CRTAC1: variants seen among roughly 807,000 people sequenced by gnomAD.
The protein encoded by CRTAC1 is acidic secreted protein in cartilage.
In CRTAC1, 37 loss-of-function variants were observed where a neutral mutation model predicts 67.8. The observed-to-expected ratio is 0.55, with a 90% CI of 0.42 to 0.72. CRTAC1 has a LOEUF of 0.72. CRTAC1 is among the 30% of genes least tolerant of loss of function. CRTAC1 has a pLI of 0.00. For synonymous variants in CRTAC1, 348 were observed against 371.0 expected (o/e 0.94, Z 0.71); for missense variants, 780 against 931.6 (o/e 0.84, Z 2.12).
intron 2 of CRTAC1, among the ~76,000 whole-genome samples, chr10:98,007,307 G>A (rs1488175699): frequency 2.0e-5 from 3 of 152,148 alleles, no homozygotes; most frequent in Non-Finnish European, 2.9e-5. Flanking sequence ...GACCTCCCAA[G>A]GTCCTGATTT....
At chr10:97,880,584 T>C (rs2050199828) in intron 13 of CRTAC1, among the ~76,000 whole-genome samples, 192 bp from the exon 14 acceptor site, 1 of 152,172 alleles carries the variant, frequency 6.6e-6, no homozygotes, top group Non-Finnish European at 1.5e-5. Context: ...GGGTGGGCAC[T>C]CAGGCTTGGT....
chr10:97,898,264 C>A, intron 8 of CRTAC1, among the ~76,000 whole-genome samples: 1 of 152,268 alleles, frequency 6.6e-6, no homozygotes, highest in South Asian at 2.1e-4. Flanking sequence ...GCTCAGAGTC[C>A]GTGTTAACAG....
intron 4 of CRTAC1, among the ~76,000 whole-genome samples, chr10:97,920,052 C>T (rs1439828661): frequency 6.6e-6 from 1 of 152,134 alleles, no homozygotes; most frequent in Non-Finnish European, 1.5e-5. Flanking sequence ...CCTGGCCTAA[C>T]ATGGCTTCTT....
Position 98,004,830 on chromosome 10 carries a change from C to T in CRTAC1, c.224+6308G>A, listed in dbSNP as rs1457337515. Among the ~76,000 whole-genome samples the T allele has an allele frequency of 2.0e-5, 3 of 151,656 alleles. No individual in the cohort carries two copies. In the East Asian group the frequency reaches 5.8e-4, roughly 29 times the overall value. On this transcript the variant is annotated intron_variant, in intron 2 of 14. Transcript: ENST00000370597. ...TTATATATTTTATAATATATATACACAATAGAAATGTACATAACATAAACT... is the reference window on the plus strand; with the variant it reads ...TTATATATTTTATAATATATATACATAATAGAAATGTACATAACATAAACT...
chr10:97,926,856 A>C (rs966939841), intron 3 of CRTAC1, among the ~76,000 whole-genome samples: 22 of 152,320 alleles, frequency 1.4e-4, no homozygotes, highest in African/African-American at 5.1e-4. Context: ...TATTGCTTCC[A>C]GATGCCTGGG....
rs77502721 is a variant in CRTAC1 at position 97,954,254 on chromosome 10, C to T, written c.225-17888G>A. Among the ~76,000 whole-genome samples the T allele has an allele frequency of 4.7e-3, 718 of 152,214 alleles. 7 individuals carry two copies. The highest frequency in any genetic ancestry group is 0.016 in the African/African-American group (677 of 41,522). ...GAACAGCATCTAGGAGGCATGATTG[C>T]TTATCTTGAGAGGACCCCCCAGGAC... On this transcript the variant is annotated intron_variant, in intron 2 of 14. Coordinates refer to ENST00000370597, the MANE Select transcript of CRTAC1 (RefSeq NM_018058.7).
intron 2 of CRTAC1, among the ~76,000 whole-genome samples, chr10:98,008,052 T>C (rs1452233803): frequency 6.6e-6 from 1 of 152,160 alleles, no homozygotes; most frequent in African/African-American, 2.4e-5. Flanking sequence ...CCTCAGCGAC[T>C]GGGCCCATGG....
chr10:97,915,256 C>A (rs970280848), intron 5 of CRTAC1, among the ~76,000 whole-genome samples: 1 of 152,190 alleles, frequency 6.6e-6, no homozygotes, highest in Non-Finnish European at 1.5e-5. Context: ...GAAAGGTCAG[C>A]GGGCTGTGGC....
At chr10:97,897,051 C>A (rs554678099) in intron 8 of CRTAC1, 60 bp from the exon 9 acceptor site, 3 of 1,240,808 alleles carry the variant, frequency 2.4e-6, no homozygotes, top group African/African-American at 3.0e-5. Flanking sequence ...GACCAGAAGG[C>A]CCACCTGCTC....
At position 98,000,656 on chromosome 10, in the gene CRTAC1, A is replaced by G. The variant is rs1016319267; in HGVS notation, c.224+10482T>C. Among the ~76,000 whole-genome samples the G allele has an allele frequency of 2.0e-5, 3 of 152,220 alleles. No individual in the cohort carries two copies. The South Asian group carries it at 6.2e-4, about 32-fold the overall frequency. On this transcript the variant is annotated intron_variant, in intron 2 of 14. Transcript: ENST00000370597. ...TCAGGCCCAAGCAAAACTTGGGCAAAAGCGCCACCAGCCACAGGTGTCTGG... is the reference window on the plus strand; with the variant it reads ...TCAGGCCCAAGCAAAACTTGGGCAAGAGCGCCACCAGCCACAGGTGTCTGG...
intron 11 of CRTAC1, among the ~76,000 whole-genome samples, chr10:97,884,780 C>G (rs113899286): frequency 6.6e-6 from 1 of 152,168 alleles, no homozygotes; most frequent in Non-Finnish European, 1.5e-5. Flanking sequence ...GGAGGCTGTA[C>G]TGGAGGATAC....
At chr10:97,988,549 G>A (rs60642333) in intron 2 of CRTAC1, among the ~76,000 whole-genome samples, 6,712 of 152,100 alleles carry the variant, frequency 0.044, 491 homozygotes, top group African/African-American at 0.15. Flanking sequence ...TGGTGACTCC[G>A]TCTCTACTAA....
At chr10:98,007,745 A>G (rs1280118097) in intron 2 of CRTAC1, among the ~76,000 whole-genome samples, 2 of 152,220 alleles carry the variant, frequency 1.3e-5, no homozygotes, top group African/African-American at 2.4e-5. Flanking sequence ...GATGACTCCA[A>G]AGTCCTATAG....
intron 2 of CRTAC1, among the ~76,000 whole-genome samples, chr10:97,992,431 T>A (rs936955122): frequency 3.3e-5 from 5 of 152,152 alleles, no homozygotes; most frequent in African/African-American, 1.2e-4. Flanking sequence ...GATCAAGCAA[T>A]CCCACTACTG....
intron 3 of CRTAC1, among the ~76,000 whole-genome samples, chr10:97,927,524 T>C (rs760404289): frequency 1.3e-5 from 2 of 152,232 alleles, no homozygotes; most frequent in African/African-American, 2.4e-5. Flanking sequence ...GCTGCTGATG[T>C]CTGGTCAGGC....
At chr10:97,904,582 G>T in intron 7 of CRTAC1, 87 bp downstream of exon 7, 1 of 1,358,218 alleles carries the variant, frequency 7.4e-7, no homozygotes, top group Middle Eastern at 2.1e-4. Context: ...ACCACACCTG[G>T]CCAATTTTTG....
At chr10:97,874,475 C>T (rs1037861414) in intron 14 of CRTAC1, among the ~76,000 whole-genome samples, 2 of 152,178 alleles carry the variant, frequency 1.3e-5, no homozygotes, top group African/African-American at 4.8e-5. Flanking sequence ...ACCTTATGGC[C>T]ATTTGCCATC....
At chr10:98,019,308 T>A (rs1308755817) in intron 1 of CRTAC1, among the ~76,000 whole-genome samples, 3 of 152,120 alleles carry the variant, frequency 2.0e-5, no homozygotes, top group Non-Finnish European at 4.4e-5. Context: ...TTCCCCACAT[T>A]GCATGTTTCC....
intron 2 of CRTAC1, among the ~76,000 whole-genome samples, chr10:97,941,343 G>A (rs2051172588): frequency 6.6e-6 from 1 of 151,828 alleles, no homozygotes; most frequent in Non-Finnish European, 1.5e-5. Context: ...TTTTAATGTT[G>A]GAGTCCCCAG....
Sources: gnomAD v4.1 joint callset for allele counts (sites outside exome capture counted in the v4.1 genomes callset) on GRCh38, gnomAD v4.1.1 for gene constraint, MANE v1.5 for transcripts, NCBI Gene and HGNC (gene_info 2026-07-23, HGNC 2026-07-21) for gene names.